CNTN4: variants seen among roughly 807,000 people sequenced by gnomAD.
CNTN4 encodes contactin 4.
In CNTN4, 77 loss-of-function variants were observed where a neutral mutation model predicts 122.5. The observed-to-expected ratio is 0.63, with a 90% CI of 0.52 to 0.76. The LOEUF (loss-of-function observed/expected upper bound fraction) is 0.76, where lower values mean the gene tolerates loss of function less well. Among genes scored for constraint, CNTN4 ranks in the 30% least tolerant of loss-of-function variants. The pLI is 0.00. For missense variants in CNTN4, 1,256 were observed against 1,259.1 expected (o/e 1.00, Z 0.04); for synonymous variants, 512 against 447.0 (o/e 1.15, Z -1.83).
chr3:2,656,091 C>T lies in CNTN4; in HGVS notation c.56-80124C>T, dbSNP rs555176111. The stretch of plus-strand genomic sequence containing the variant: ...GCATTAGAATTGTAACCGTATTTGG[C>T]GAGAATGTTGAAGAGTAGCACCATG... On this transcript the variant is annotated intron_variant, in intron 4 of 24. Transcript: ENST00000418658. Among the ~76,000 whole-genome samples, 8 of 152,106 alleles carry T rather than the reference C, an allele frequency of 5.3e-5. No individual in the cohort carries two copies. In the East Asian group the frequency reaches 7.7e-4, roughly 15 times the overall value.
intron 4 of CNTN4, among the ~76,000 whole-genome samples, chr3:2,671,607 A>G (rs190745930): frequency 1.9e-4 from 29 of 152,206 alleles, no homozygotes; most frequent in Admixed American, 1.8e-3. Flanking sequence ...GTCATTTTCC[A>G]TCTGCTTTGT....
chr3:2,586,261 G>A (rs1225843095), intron 4 of CNTN4, among the ~76,000 whole-genome samples: 1 of 152,086 alleles, frequency 6.6e-6, no homozygotes, highest in Non-Finnish European at 1.5e-5. Flanking sequence ...CTCCATTTTT[G>A]TTGTTGTTGT....
chr3:2,270,738 CAGGAGG>C, intron 2 of CNTN4, among the ~76,000 whole-genome samples: 1 of 123,292 alleles, frequency 8.1e-6, no homozygotes. Flanking sequence ...AAATGGAGCT[CAGGAGG>C]ACCCAGAATA....
rs115795838 is a variant in CNTN4 at position 2,772,475 on chromosome 3, G to C, written c.358+26778G>C. 9.5e-3 allele frequency among the ~76,000 whole-genome samples: 1,441 copies of C among 152,030 alleles called. 23 individuals carry two copies. The highest frequency in any genetic ancestry group is 0.032 in the African/African-American group (1,326 of 41,348). ...GAATGACTTTAAAGTCTAATGTCTT[G>C]GATGGTGGGGTATCATTGACTAACT... On this transcript the variant is annotated intron_variant, in intron 6 of 24. Transcript: ENST00000418658.
At chr3:2,338,426 T>G (rs1270472734) in intron 2 of CNTN4, among the ~76,000 whole-genome samples, 1 of 151,960 alleles carries the variant, frequency 6.6e-6, no homozygotes, top group Non-Finnish European at 1.5e-5. Flanking sequence ...TATTTCTGAT[T>G]AGCTAATCTA....
chr3:2,729,739 C>G (rs916368095), intron 4 of CNTN4, among the ~76,000 whole-genome samples: 1 of 151,636 alleles, frequency 6.6e-6, no homozygotes, highest in Non-Finnish European at 1.5e-5. Context: ...ATGCTGAAAC[C>G]CCGTCTCTAC....
At chr3:2,960,470 G>T (rs1405375376) in intron 13 of CNTN4, among the ~76,000 whole-genome samples, 1 of 152,258 alleles carries the variant, frequency 6.6e-6, no homozygotes, top group East Asian at 1.9e-4. Context: ...ACTTGAGGCT[G>T]CTTATAATAC....
Position 2,910,121 on chromosome 3 carries a change from A to G in CNTN4, c.1207+7116A>G, listed in dbSNP as rs146966160. Among the ~76,000 whole-genome samples, 20 of 152,362 alleles carry G rather than the reference A, an allele frequency of 1.3e-4. 1 individual carries two copies. In the East Asian group the frequency reaches 3.3e-3, roughly 25 times the overall value. ...GGAATAAAGCACACAGAATGTCTTG[A>G]CAGACTACCATGTGAGGCTTGAGCT... On this transcript the variant is annotated intron_variant, in intron 12 of 24. Coordinates refer to ENST00000418658, the MANE Select transcript of CNTN4 (RefSeq NM_175607.3).
chr3:2,384,762 G>T (rs577004919), intron 3 of CNTN4, among the ~76,000 whole-genome samples: 1 of 50,258 alleles, frequency 2.0e-5, no homozygotes, highest in South Asian at 6.4e-4. Context: ...CAATGTGTGC[G>T]TGTGTGTGTG....
chr3:2,735,328 A>G (rs1050485782), intron 4 of CNTN4, among the ~76,000 whole-genome samples: 1 of 152,242 alleles, frequency 6.6e-6, no homozygotes, highest in Non-Finnish European at 1.5e-5. Context: ...TATTGTGTGC[A>G]TAGTCTAGAA....
chr3:2,522,589 C>T (rs965193609), intron 3 of CNTN4, among the ~76,000 whole-genome samples: 10 of 152,004 alleles, frequency 6.6e-5, no homozygotes, highest in Admixed American at 1.3e-4. Flanking sequence ...TTTCAATGAC[C>T]GAAGAGTGCA....
In CNTN4 at chr3:2,361,429, C is replaced by T. The variant is rs531266894; in HGVS notation, c.-89+22196C>T. ...AGCTGCCAGGTATCCTGCTAAGCAT[C>T]CCACAATGCAGAAGATGGCCTGTAC... On this transcript the variant is annotated intron_variant, in intron 3 of 24. Transcript: ENST00000418658. 1.2e-3 allele frequency among the ~76,000 whole-genome samples: 181 copies of T among 152,220 alleles called. 1 individual carries two copies. The highest frequency in any genetic ancestry group is 4.2e-3 in the African/African-American group (175 of 41,540).
At chr3:2,386,620 T>G (rs1310232646) in intron 3 of CNTN4, among the ~76,000 whole-genome samples, 1 of 145,872 alleles carries the variant, frequency 6.9e-6, no homozygotes, top group Admixed American at 6.8e-5. Context: ...GCTAGAAAAT[T>G]TCTAAGGAGT....
chr3:2,354,292 A>C (rs2044773321), intron 3 of CNTN4, among the ~76,000 whole-genome samples: 1 of 152,186 alleles, frequency 6.6e-6, no homozygotes, highest in Non-Finnish European at 1.5e-5. Context: ...GCACTTTGGG[A>C]GGCCGAGGCA....
At chr3:3,041,163 T>G (rs1700130700) in intron 20 of CNTN4, 1 of 152,198 alleles carries the variant, frequency 6.6e-6, no homozygotes, top group Admixed American at 6.5e-5. Flanking sequence ...ATCTGAAAGG[T>G]GAATCATTGA....
intron 12 of CNTN4, among the ~76,000 whole-genome samples, chr3:2,910,400 A>T (rs1481873888): frequency 3.9e-5 from 6 of 152,180 alleles, no homozygotes; most frequent in Non-Finnish European, 8.8e-5. Flanking sequence ...ATCCATCTTG[A>T]AGTCCTTAGT....
rs577749664 is a variant in CNTN4 at position 2,916,711 on chromosome 3, T to C, written c.1208-8918T>C. On this transcript the variant is annotated intron_variant, in intron 12 of 24. Transcript: ENST00000418658. ...ATCATGGCCCGTTCTCAATGAGCTG[T>C]TGGGTACACCTCCCAGACGGGGTGG... is the stretch of plus-strand genomic sequence containing the variant. Among the ~76,000 whole-genome samples, 747 of 139,108 alleles carry C rather than the reference T, an allele frequency of 5.4e-3. 11 individuals carry two copies. The highest frequency in any genetic ancestry group is 8.3e-3 in the Non-Finnish European group (544 of 65,504). 91.3% of individuals were successfully genotyped at this position (139,108 alleles called of 152,430 possible).
At chr3:2,985,044 A>G (rs190500130) in intron 13 of CNTN4, among the ~76,000 whole-genome samples, 2 of 152,340 alleles carry the variant, frequency 1.3e-5, no homozygotes, top group East Asian at 3.9e-4. Flanking sequence ...AGCAACTGTT[A>G]TATGCGTAGC....
At chr3:2,763,712 A>G (rs1387623902) in intron 6 of CNTN4, among the ~76,000 whole-genome samples, 2 of 152,186 alleles carry the variant, frequency 1.3e-5, no homozygotes, top group Non-Finnish European at 2.9e-5. Flanking sequence ...CTAGCCAGTT[A>G]TCCCGGCACC....
Sources: gnomAD v4.1 joint callset for allele counts (sites outside exome capture counted in the v4.1 genomes callset) on GRCh38, gnomAD v4.1.1 for gene constraint, MANE v1.5 for transcripts, NCBI Gene and HGNC (gene_info 2026-07-23, HGNC 2026-07-21) for gene names.